The following SLC35F1 variants were observed in gnomAD, a reference collection of about 807,000 sequenced individuals.
SLC35F1 encodes the protein solute carrier family 35 member F1.
In SLC35F1, 14 loss-of-function variants were observed where a neutral mutation model predicts 48.7. That is an observed-to-expected ratio of 0.29 (90% CI 0.19 to 0.45). The LOEUF (loss-of-function observed/expected upper bound fraction) is 0.45. SLC35F1 is among the 20% of genes least tolerant of loss of function. SLC35F1 has a pLI of 1.00. For synonymous variants in SLC35F1, 190 were observed against 202.2 expected (o/e 0.94, Z 0.51); for missense variants, 404 against 500.0 (o/e 0.81, Z 1.83).
intron 1 of SLC35F1, among the ~76,000 whole-genome samples, chr6:118,109,002 G>A (rs1389941000): frequency 6.6e-6 from 1 of 152,106 alleles, no homozygotes; most frequent in Non-Finnish European, 1.5e-5. Context: ...TTGAAGAACT[G>A]GGAACACATA....
rs888885933 is a variant in SLC35F1 at position 117,983,271 on chromosome 6, G to A, written c.173+75372G>A. On this transcript the variant is annotated intron_variant, in intron 1 of 7. Coordinates refer to ENST00000360388, the MANE Select transcript of SLC35F1 (RefSeq NM_001029858.4). ...TCCAAGCACACACCTTTGGACAAGT[G>A]GCTTGTACACAGTCTTTTGTGGAGG... Among the ~76,000 whole-genome samples the A allele has an allele frequency of 2.0e-5, 3 of 152,226 alleles. No individual in the cohort carries two copies. The East Asian group carries it at 5.8e-4, about 29-fold the overall frequency.
At chr6:117,966,005 G>A (rs1405743389) in intron 1 of SLC35F1, among the ~76,000 whole-genome samples, 2 of 134,594 alleles carry the variant, frequency 1.5e-5, no homozygotes, top group African/African-American at 5.2e-5. Flanking sequence ...TGTCAAAATG[G>A]ACCAATCAGC....
intron 1 of SLC35F1, among the ~76,000 whole-genome samples, chr6:118,086,911 G>A (rs1321654329): frequency 6.6e-6 from 1 of 152,134 alleles, no homozygotes; most frequent in East Asian, 1.9e-4. Flanking sequence ...CTTAGAAAGT[G>A]TATCATGCCT....
At chr6:118,277,250 G>A (rs747069576) in intron 5 of SLC35F1, among the ~76,000 whole-genome samples, 1 of 152,212 alleles carries the variant, frequency 6.6e-6, no homozygotes, top group Non-Finnish European at 1.5e-5. Context: ...TGGGTGAGAA[G>A]AGCAGGAAGG....
chr6:117,924,120 C>G (rs1278314250), intron 1 of SLC35F1, among the ~76,000 whole-genome samples: 10 of 141,440 alleles, frequency 7.1e-5, no homozygotes, highest in Non-Finnish European at 1.2e-4. Context: ...TGTATATACA[C>G]ACATAGGTAC....
chr6:117,928,689 C>A (rs563093715), intron 1 of SLC35F1, among the ~76,000 whole-genome samples: 1 of 152,178 alleles, frequency 6.6e-6, no homozygotes, highest in East Asian at 1.9e-4. Context: ...AGATTCCAGA[C>A]GTAGGTCTTT....
intron 6 of SLC35F1, 133 bp downstream of exon 6, chr6:118,277,679 T>A: frequency 5.2e-6 from 4 of 768,614 alleles, no homozygotes; most frequent in Non-Finnish European, 9.0e-6. Flanking sequence ...TGAAATCCCT[T>A]TGTCATTTCA....
intron 1 of SLC35F1, among the ~76,000 whole-genome samples, chr6:117,990,133 C>A (rs1776898313): frequency 6.6e-6 from 1 of 151,994 alleles, no homozygotes; most frequent in Non-Finnish European, 1.5e-5. Context: ...TTTAAGGGCA[C>A]CTGAATTATT....
intron 1 of SLC35F1, among the ~76,000 whole-genome samples, chr6:117,973,765 A>G (rs948446107): frequency 3.9e-5 from 6 of 152,132 alleles, no homozygotes; most frequent in African/African-American, 1.4e-4. Flanking sequence ...CTTTAGGATT[A>G]TGGGTAATAT....
intron 3 of SLC35F1, among the ~76,000 whole-genome samples, chr6:118,251,550 T>C (rs949160545): frequency 6.6e-6 from 1 of 152,128 alleles, no homozygotes; most frequent in African/African-American, 2.4e-5. Context: ...TTATAAGCCA[T>C]ATTCATGAGT....
chr6:117,941,604 C>A (rs747626659), intron 1 of SLC35F1, among the ~76,000 whole-genome samples: 3 of 152,112 alleles, frequency 2.0e-5, no homozygotes, highest in Non-Finnish European at 4.4e-5. Flanking sequence ...GGATTTCATT[C>A]TTTTCTTTTA....
intron 1 of SLC35F1, among the ~76,000 whole-genome samples, chr6:117,928,130 GA>G (rs1456746044): frequency 6.6e-6 from 1 of 152,054 alleles, no homozygotes. Context: ...GTAGAAAAGG[GA>G]ATTGTGGGAA....
intron 7 of SLC35F1, among the ~76,000 whole-genome samples, chr6:118,310,013 G>A (rs1776355089): frequency 6.6e-6 from 1 of 152,188 alleles, no homozygotes; most frequent in Non-Finnish European, 1.5e-5. Flanking sequence ...AAAGACAGCA[G>A]CAAAGTAAGC....
intron 2 of SLC35F1, among the ~76,000 whole-genome samples, chr6:118,217,147 G>A (rs1238723347): frequency 6.6e-6 from 1 of 152,114 alleles, no homozygotes; most frequent in Non-Finnish European, 1.5e-5. Context: ...ATATTCAAAA[G>A]GACTGAAATC....
chr6:118,314,002 ATGACTTTAC>A lies in SLC35F1; in HGVS notation c.1003-23_1003-15del. 6.2e-7 allele frequency: 1 copy of A among 1,610,224 alleles called. No individual in the cohort carries two copies. The highest frequency in any genetic ancestry group is 8.5e-7 in the Non-Finnish European group (1 of 1,176,474). On this transcript the variant is annotated splice_polypyrimidine_tract_variant and intron_variant, in intron 7 of 7. Coordinates refer to ENST00000360388, the MANE Select transcript of SLC35F1 (RefSeq NM_001029858.4). ...TCAGTGGTTCTGCCCTGGCTGTCAA[ATGACTTTAC>A]TGTTGTGTTTTTTTAGTTTTCAGGA... is the stretch of plus-strand genomic sequence containing the variant.
chr6:118,109,580 C>T (rs931829039), intron 1 of SLC35F1, among the ~76,000 whole-genome samples: 4 of 151,464 alleles, frequency 2.6e-5, no homozygotes, highest in African/African-American at 9.7e-5. Context: ...CAGTTGTATA[C>T]GAAGGTTATG....
chr6:118,103,256 T>C (rs1293139506), intron 1 of SLC35F1, among the ~76,000 whole-genome samples: 1 of 29,946 alleles, frequency 3.3e-5, no homozygotes, highest in Non-Finnish European at 1.8e-4. Context: ...TGAGAACATT[T>C]ATTTATTTTT....
chr6:118,032,889 T>C (rs1772074865), intron 1 of SLC35F1, among the ~76,000 whole-genome samples: 1 of 152,188 alleles, frequency 6.6e-6, no homozygotes, highest in Non-Finnish European at 1.5e-5. Context: ...TTCAACTAAG[T>C]TCTTGAGTTT....
chr6:118,022,305 A>G (rs1241983529), intron 1 of SLC35F1, among the ~76,000 whole-genome samples: 1 of 152,246 alleles, frequency 6.6e-6, no homozygotes, highest in Non-Finnish European at 1.5e-5. Flanking sequence ...TTATTGGTGT[A>G]TTAGTGACCA....
Sources: gnomAD v4.1 joint callset for allele counts (sites outside exome capture counted in the v4.1 genomes callset) on GRCh38, gnomAD v4.1.1 for gene constraint, MANE v1.5 for transcripts, NCBI Gene and HGNC (gene_info 2026-07-23, HGNC 2026-07-21) for gene names.